The following STK3 variants were observed in gnomAD, a reference collection of about 807,000 sequenced individuals.
STK3 encodes serine/threonine-protein kinase 3.
Under a neutral mutation model 58.0 loss-of-function variants are expected in STK3, and 41 were observed. The ratio of observed to expected loss-of-function variants is 0.71; its 90% CI spans 0.55 to 0.92. The LOEUF is 0.92. Among genes scored for constraint, STK3 ranks in the 40% least tolerant of loss-of-function variants. STK3 has a pLI of 0.00. For synonymous variants in STK3, 170 were observed against 191.0 expected, an observed-to-expected ratio of 0.89 and a Z score of 0.91; for missense variants, 479 against 602.7, an observed-to-expected ratio of 0.79 and a Z score of 2.15.
intron 1 of STK3, among the ~76,000 whole-genome samples, chr8:98,909,401 G>A (rs1839047321): frequency 6.6e-6 from 1 of 152,108 alleles, no homozygotes; most frequent in Admixed American, 6.5e-5. Flanking sequence ...ACAATCCAAT[G>A]TTTTTTAGTA....
At chr8:98,461,594 T>C (rs1215919681) in intron 10 of STK3, among the ~76,000 whole-genome samples, 1 of 152,230 alleles carries the variant, frequency 6.6e-6, no homozygotes, top group Admixed American at 6.5e-5. Context: ...AGTTTTACGC[T>C]TTCAAGAGGT....
intron 4 of STK3, among the ~76,000 whole-genome samples, chr8:98,709,835 C>T (rs2131091036): frequency 6.6e-6 from 1 of 152,202 alleles, no homozygotes; most frequent in South Asian, 2.1e-4. Context: ...ATGTCATACT[C>T]AAAGCAGTAA....
chr8:98,347,865 CA>C, the STK3 span, among the ~76,000 whole-genome samples: 12 of 151,782 alleles, frequency 7.9e-5, no homozygotes, highest in South Asian at 4.2e-4. Context: ...CATCACAATT[CA>C]AAAAAAATTA....
At chr8:98,694,622 T>C (rs548804491) in intron 6 of STK3, among the ~76,000 whole-genome samples, 11 of 152,318 alleles carry the variant, frequency 7.2e-5, no homozygotes, top group Admixed American at 7.2e-4. Context: ...GTTCTTGCGA[T>C]AGTTTACTGA....
intron 6 of STK3, among the ~76,000 whole-genome samples, chr8:98,697,878 TCTGCTTGGTGCACAG>T (rs1237367865): frequency 6.6e-6 from 1 of 152,160 alleles, no homozygotes; most frequent in East Asian, 1.9e-4. Context: ...GTCTATTAGG[TCTGCTTGGTGCACAG>T]CTGAGTTCAA....
At chr8:98,823,693 TTTTTG>T (rs1835058785) in intron 1 of STK3, among the ~76,000 whole-genome samples, 1 of 152,202 alleles carries the variant, frequency 6.6e-6, no homozygotes, top group African/African-American at 2.4e-5. Context: ...TCTTTTGTTG[TTTTTG>T]TTTTGTTTTT....
intron 6 of STK3, among the ~76,000 whole-genome samples, chr8:98,666,189 TAA>T (rs780894377): frequency 1.2e-4 from 17 of 136,600 alleles, no homozygotes; most frequent in Admixed American, 1.5e-4. Flanking sequence ...TTTGTAAATG[TAA>T]AAAAAAAAAA....
chr8:98,832,944 A>G (rs1419820656), intron 3 of STK3, among the ~76,000 whole-genome samples: 1 of 152,216 alleles, frequency 6.6e-6, no homozygotes, highest in East Asian at 1.9e-4. Flanking sequence ...GCCCCTCTGC[A>G]GACTTCCCTA....
chr8:98,697,046 G>T (rs1362858058), intron 6 of STK3, among the ~76,000 whole-genome samples: 1 of 152,172 alleles, frequency 6.6e-6, no homozygotes, highest in Non-Finnish European at 1.5e-5. Context: ...CCTGCTATTG[G>T]TCTATTCAGA....
chr8:98,745,694 A>G (rs1829593106), intron 4 of STK3, among the ~76,000 whole-genome samples: 1 of 152,142 alleles, frequency 6.6e-6, no homozygotes, highest in African/African-American at 2.4e-5. Context: ...GACTTACAAG[A>G]TGAGAAGGTC....
At chr8:98,614,812 C>T (rs929961424) in intron 6 of STK3, among the ~76,000 whole-genome samples, 1 of 152,154 alleles carries the variant, frequency 6.6e-6, no homozygotes, top group African/African-American at 2.4e-5. Flanking sequence ...GGTCCTACAC[C>T]CACAGAATCT....
intron 1 of STK3, among the ~76,000 whole-genome samples, chr8:98,932,447 G>A (rs1335885983): frequency 6.6e-6 from 1 of 152,032 alleles, no homozygotes; most frequent in Non-Finnish European, 1.5e-5. Context: ...ATATAACCAG[G>A]GAAACAGTAC....
Position 98,456,007 on chromosome 8 carries a change from A to T in STK3, c.1318-7T>A. 1 of 1,597,852 alleles carries T rather than the reference A, an allele frequency of 6.3e-7. No individual in the cohort carries two copies. ...CTAAACTTAGATTTTTCAACTAGAT[A>T]CAGAAAGAAAGATACCAATACAATG... On this transcript the variant is annotated splice_region_variant and splice_polypyrimidine_tract_variant and intron_variant, in intron 10 of 10. Coordinates refer to ENST00000419617, the MANE Select transcript of STK3 (RefSeq NM_006281.4).
chr8:98,719,001 T>C (rs1177217847), intron 4 of STK3, among the ~76,000 whole-genome samples: 1 of 152,168 alleles, frequency 6.6e-6, no homozygotes, highest in Non-Finnish European at 1.5e-5. Flanking sequence ...TGATAAATAA[T>C]GAATGAATGG....
At chr8:98,903,557 C>CTTCTTT (rs1564093746) in intron 1 of STK3, among the ~76,000 whole-genome samples, 3 of 9,922 alleles carry the variant, frequency 3.0e-4, no homozygotes, top group East Asian at 4.3e-3. Context: ...CTTCTTCTTC[C>CTTCTTT]TTTTTTTTTT....
intron 10 of STK3, among the ~76,000 whole-genome samples, chr8:98,472,569 T>G (rs1199032254): frequency 2.0e-5 from 3 of 152,186 alleles, no homozygotes; most frequent in Non-Finnish European, 4.4e-5. Flanking sequence ...CAGATAATTC[T>G]GTAAACAGGC....
chr8:98,645,285 T>G (rs948947119), intron 6 of STK3, among the ~76,000 whole-genome samples: 1 of 152,224 alleles, frequency 6.6e-6, no homozygotes, highest in South Asian at 2.1e-4. Flanking sequence ...TTCATCCTCC[T>G]ACTCAGTAGA....
chr8:98,559,559 T>C (rs975962738), intron 8 of STK3, among the ~76,000 whole-genome samples: 1 of 152,180 alleles, frequency 6.6e-6, no homozygotes, highest in Non-Finnish European at 1.5e-5. Context: ...TCTATGCTCA[T>C]GGTTTAACTA....
chr8:98,456,105 T>G (rs890936387), intron 10 of STK3, 105 bp from the exon 11 acceptor site: 1 of 1,130,644 alleles, frequency 8.8e-7, no homozygotes, highest in African/African-American at 1.6e-5. Context: ...AACATAAATA[T>G]TTCAGCAAAT....
Sources: allele counts gnomAD v4.1 joint callset (sites outside exome capture counted in the v4.1 genomes callset), GRCh38; gene constraint gnomAD v4.1.1; transcripts MANE v1.5; gene names NCBI Gene and HGNC (gene_info 2026-07-23, HGNC 2026-07-21).